Variants in NPAS3 observed in about 807,000 individuals in gnomAD.
NPAS3 encodes the protein neuronal PAS domain protein 3.
Under a neutral mutation model 73.1 loss-of-function variants are expected in NPAS3, and 14 were observed. That is an observed-to-expected ratio of 0.19 (90% confidence interval 0.13 to 0.30). NPAS3 has a LOEUF of 0.30. Among genes scored for constraint, NPAS3 ranks in the 10% least tolerant of loss-of-function variants. NPAS3 has a pLI of 1.00. For synonymous variants in NPAS3, 620 were observed against 541.5 expected, an observed-to-expected ratio of 1.14 and a Z score of -2.01; for missense variants, 1,096 against 1,250.0, an observed-to-expected ratio of 0.88 and a Z score of 1.86.
chr14:33,356,349 G>T (rs2045337816), intron 3 of NPAS3, among the ~76,000 whole-genome samples: 1 of 152,228 alleles, frequency 6.6e-6, no homozygotes, highest in African/African-American at 2.4e-5. Context: ...TGATTGCACA[G>T]TTGTACCCAC....
At position 33,700,130 on chromosome 14, in the gene NPAS3, C is replaced by T. The variant is rs542811471; in HGVS notation, c.733+23745C>T. Among the ~76,000 whole-genome samples the T allele has an allele frequency of 4.6e-5, 7 of 152,038 alleles. No individual in the cohort carries two copies. The East Asian group carries it at 1.2e-3, about 25-fold the overall frequency. On this transcript the variant is annotated intron_variant, in intron 6 of 11. Transcript: ENST00000356141. ...ATAATAGTCTTTGTAGGATGGCTGC[C>T]GTGTCAGCATTTATCTTGAAACTCA...
intron 2 of NPAS3, among the ~76,000 whole-genome samples, chr14:33,150,536 T>G (rs2044408955): frequency 6.6e-6 from 1 of 152,258 alleles, no homozygotes; most frequent in Non-Finnish European, 1.5e-5. Context: ...CCAAATAGTT[T>G]CCTTTGCATT....
intron 4 of NPAS3, among the ~76,000 whole-genome samples, chr14:33,420,454 T>C (rs1488663578): frequency 1.3e-5 from 2 of 152,088 alleles, no homozygotes; most frequent in South Asian, 4.1e-4. Flanking sequence ...ACAGTCTAAC[T>C]GTATGTGGAT....
At chr14:33,215,056 T>C (rs2047169619) in intron 2 of NPAS3, 126 bp from the exon 3 acceptor site, 1 of 960,892 alleles carries the variant, frequency 1.0e-6, no homozygotes, top group African/African-American at 1.6e-5. Flanking sequence ...TTACTGTCAC[T>C]CTCTAGTTTT....
chr14:33,010,036 G>A (rs888939236), intron 1 of NPAS3, among the ~76,000 whole-genome samples: 24 of 152,254 alleles, frequency 1.6e-4, no homozygotes, highest in African/African-American at 5.8e-4. Flanking sequence ...GATTGGATGA[G>A]ACAATGAGAT....
chr14:33,110,329 G>T (rs1175387643), intron 2 of NPAS3, among the ~76,000 whole-genome samples: 1 of 152,048 alleles, frequency 6.6e-6, no homozygotes, highest in East Asian at 1.9e-4. Context: ...GTGTTCTACT[G>T]AACTCAAGTT....
chr14:33,769,888 C>T (rs1347101977), intron 7 of NPAS3, among the ~76,000 whole-genome samples: 5 of 150,912 alleles, frequency 3.3e-5, no homozygotes, highest in African/African-American at 9.8e-5. Flanking sequence ...CCTCAGCCTC[C>T]AAGTAGCTGG....
At chr14:33,218,033 C>T (rs1014883306) in intron 3 of NPAS3, among the ~76,000 whole-genome samples, 1 of 152,012 alleles carries the variant, frequency 6.6e-6, no homozygotes, top group Non-Finnish European at 1.5e-5. Flanking sequence ...TCTTTAACTT[C>T]TTAGTATGAT....
chr14:33,170,687 A>G (rs1397537531), intron 2 of NPAS3, among the ~76,000 whole-genome samples: 1 of 152,200 alleles, frequency 6.6e-6, no homozygotes, highest in African/African-American at 2.4e-5. Context: ...ATCTCAAGAA[A>G]CAAGTTTCTT....
intron 5 of NPAS3, among the ~76,000 whole-genome samples, chr14:33,594,901 G>C (rs1236714438): frequency 6.6e-6 from 1 of 152,088 alleles, no homozygotes; most frequent in Non-Finnish European, 1.5e-5. Context: ...GGGTGAGAGG[G>C]GCAGTATTAT....
intron 4 of NPAS3, among the ~76,000 whole-genome samples, chr14:33,517,035 A>G (rs1384049646): frequency 1.3e-5 from 2 of 152,084 alleles, no homozygotes; most frequent in Non-Finnish European, 2.9e-5. Context: ...TAGCAAATAA[A>G]TATTAAACAG....
chr14:32,951,765 A>G (rs2036493010), intron 1 of NPAS3, among the ~76,000 whole-genome samples: 1 of 152,134 alleles, frequency 6.6e-6, no homozygotes, highest in Admixed American at 6.5e-5. Context: ...AAACATTTAT[A>G]GAGGAATAAA....
intron 5 of NPAS3, among the ~76,000 whole-genome samples, chr14:33,598,403 T>C (rs1053395210): frequency 1.3e-4 from 20 of 152,208 alleles, no homozygotes; most frequent in Non-Finnish European, 2.9e-4. Flanking sequence ...TGATGATGTG[T>C]GTATATGTGA....
intron 3 of NPAS3, among the ~76,000 whole-genome samples, chr14:33,341,581 C>T (rs2044484621): frequency 2.0e-5 from 3 of 151,646 alleles, no homozygotes; most frequent in South Asian, 2.1e-4. Context: ...CAGAGTGGGG[C>T]GATCTGGGTA....
Position 32,968,376 on chromosome 14 carries a change from A to C in NPAS3, c.50+29010A>C, listed in dbSNP as rs540499402. ...CTATTATTATGTGTCAATTAAAAAT[A>C]AAACATTAAAAAACTTCCTAATGTA... is the stretch of plus-strand genomic sequence containing the variant. On this transcript the variant is annotated intron_variant, in intron 1 of 11. Coordinates refer to ENST00000356141, the Ensembl canonical transcript of NPAS3. Among the ~76,000 whole-genome samples the C allele has an allele frequency of 7.9e-5, 12 of 152,322 alleles. No individual in the cohort carries two copies. In the South Asian group the frequency reaches 2.5e-3, roughly 32 times the overall value.
At chr14:33,435,149 A>G (rs1321932067) in intron 4 of NPAS3, among the ~76,000 whole-genome samples, 1 of 152,236 alleles carries the variant, frequency 6.6e-6, no homozygotes, top group East Asian at 1.9e-4. Flanking sequence ...TCTACAAAAC[A>G]TTTGTCCAGT....
intron 3 of NPAS3, among the ~76,000 whole-genome samples, chr14:33,298,245 C>T (rs758058168): frequency 1.3e-5 from 2 of 152,094 alleles, no homozygotes; most frequent in Non-Finnish European, 2.9e-5. Context: ...ATCGTACCAC[C>T]GCGCTCCAGC....
intron 6 of NPAS3, among the ~76,000 whole-genome samples, chr14:33,724,672 G>A (rs2061213978): frequency 6.6e-6 from 1 of 150,964 alleles, no homozygotes; most frequent in East Asian, 1.9e-4. Context: ...CATGTGAGAT[G>A]TTTTTACACA....
chr14:33,212,587 A>G (rs1259734380), intron 2 of NPAS3, among the ~76,000 whole-genome samples: 2 of 152,208 alleles, frequency 1.3e-5, no homozygotes, highest in African/African-American at 4.8e-5. Context: ...CCCTGAATGG[A>G]TAGAGAAAAG....
Sources: gnomAD v4.1 joint callset for allele counts (sites outside exome capture counted in the v4.1 genomes callset) on GRCh38, gnomAD v4.1.1 for gene constraint, MANE v1.5 for transcripts, NCBI Gene and HGNC (gene_info 2026-07-23, HGNC 2026-07-21) for gene names.